The following TAFA2 variants were observed in gnomAD, a reference collection of about 807,000 sequenced individuals.
TAFA2 encodes the protein chemokine-like protein TAFA-2.
In TAFA2, 7 loss-of-function variants were observed where a neutral mutation model predicts 18.8. The ratio of observed to expected loss-of-function variants is 0.37; its 90% CI spans 0.21 to 0.70. The LOEUF (loss-of-function observed/expected upper bound fraction) is 0.70. Among genes scored for constraint, TAFA2 ranks in the 30% least tolerant of loss-of-function variants. TAFA2 has a pLI of 0.53. For synonymous variants in TAFA2, 60 were observed against 54.2 expected (o/e 1.11, Z -0.47); for missense variants, 122 against 158.1 (o/e 0.77, Z 1.23).
intron 2 of TAFA2, among the ~76,000 whole-genome samples, chr12:61,760,576 A>C (rs1048338592): frequency 5.3e-5 from 8 of 151,736 alleles, no homozygotes; most frequent in Non-Finnish European, 1.0e-4. Context: ...AGTATGTGGT[A>C]TGTGTTTAAT....
At chr12:61,902,500 G>C (rs374365106) in intron 1 of TAFA2, among the ~76,000 whole-genome samples, 5 of 152,098 alleles carry the variant, frequency 3.3e-5, no homozygotes, top group African/African-American at 1.2e-4. Flanking sequence ...TCTTCTGGGA[G>C]TGAGGCTTTG....
intron 1 of TAFA2, among the ~76,000 whole-genome samples, chr12:61,962,735 G>C (rs994897415): frequency 1.3e-5 from 2 of 151,818 alleles, no homozygotes; most frequent in Non-Finnish European, 2.9e-5. Flanking sequence ...TATGTTCCCG[G>C]TCTCATCTGT....
At chr12:61,785,928 C>T (rs921956013) in intron 2 of TAFA2, among the ~76,000 whole-genome samples, 1 of 151,378 alleles carries the variant, frequency 6.6e-6, no homozygotes, top group South Asian at 2.1e-4. Flanking sequence ...GAGGGGGAAC[C>T]ATATGGAGCC....
intron 1 of TAFA2, among the ~76,000 whole-genome samples, chr12:61,926,824 G>A (rs1375822769): frequency 6.6e-6 from 1 of 152,070 alleles, no homozygotes; most frequent in Non-Finnish European, 1.5e-5. Flanking sequence ...TGTAATCCCA[G>A]CACTTTAGGA....
intron 1 of TAFA2, among the ~76,000 whole-genome samples, chr12:61,955,616 AAAAAAAAAAAAAAAAAATATATATAT>A (rs1191327890): frequency 1.0e-4 from 3 of 28,616 alleles, no homozygotes; most frequent in Non-Finnish European, 1.6e-4. Context: ...AAAAAAAAAA[AAAAAAAAAAAAAAAAAATATATATAT>A]ATATATATAT....
intron 1 of TAFA2, among the ~76,000 whole-genome samples, chr12:62,185,089 T>C (rs1329008771): frequency 9.9e-5 from 15 of 152,170 alleles, no homozygotes; most frequent in Non-Finnish European, 1.9e-4. Flanking sequence ...TCTGACCCAA[T>C]TCTGAATGTA....
intron 1 of TAFA2, among the ~76,000 whole-genome samples, chr12:62,095,675 G>A (rs1868918909): frequency 6.6e-6 from 1 of 152,114 alleles, no homozygotes; most frequent in South Asian, 2.1e-4. Flanking sequence ...AGTAAACTTT[G>A]AGTGAGCCTC....
intron 2 of TAFA2, among the ~76,000 whole-genome samples, chr12:61,764,955 C>T (rs1592374188): frequency 6.6e-6 from 1 of 152,006 alleles, no homozygotes; most frequent in South Asian, 2.1e-4. Flanking sequence ...AGATCTAGTT[C>T]AAATAGTAAT....
chr12:61,745,460 C>T (rs71465109), intron 4 of TAFA2, among the ~76,000 whole-genome samples: 15,746 of 151,924 alleles, frequency 0.1, 1,048 homozygotes, highest in East Asian at 0.2. Context: ...GATAGCTTGT[C>T]CTCCATTTAG....
intron 2 of TAFA2, among the ~76,000 whole-genome samples, chr12:61,795,212 C>T (rs1040894865): frequency 2.3e-4 from 35 of 152,208 alleles, no homozygotes; most frequent in Non-Finnish European, 4.7e-4. Flanking sequence ...CCATTTGACC[C>T]GGCCATCCCA....
chr12:61,926,291 C>T (rs1212617977), intron 1 of TAFA2, among the ~76,000 whole-genome samples: 1 of 152,218 alleles, frequency 6.6e-6, no homozygotes, highest in Admixed American at 6.5e-5. Flanking sequence ...ACCATTCCTT[C>T]TGAAACTATT....
intron 1 of TAFA2, among the ~76,000 whole-genome samples, chr12:61,912,659 G>T (rs1236636530): frequency 6.6e-6 from 1 of 152,124 alleles, no homozygotes; most frequent in African/African-American, 2.4e-5. Context: ...GAATCACTTT[G>T]CTTACCACTG....
chr12:62,148,245 A>G (rs1357258878), intron 1 of TAFA2, among the ~76,000 whole-genome samples: 7 of 152,242 alleles, frequency 4.6e-5, no homozygotes, highest in Non-Finnish European at 5.9e-5. Flanking sequence ...ACTTGCACTT[A>G]TAAATTCATA....
At chr12:61,894,836 T>A (rs1875772184) in intron 1 of TAFA2, among the ~76,000 whole-genome samples, 2 of 152,196 alleles carry the variant, frequency 1.3e-5, no homozygotes, top group Admixed American at 1.3e-4. Flanking sequence ...GAAGTCAAAC[T>A]GATACTGCTT....
intron 1 of TAFA2, among the ~76,000 whole-genome samples, chr12:62,248,413 T>C: frequency 6.6e-6 from 1 of 152,252 alleles, no homozygotes; most frequent in East Asian, 1.9e-4. Flanking sequence ...TTTTTCACTG[T>C]GGGCACGTTT....
At chr12:62,255,915 G>C (rs2062936107) in intron 1 of TAFA2, among the ~76,000 whole-genome samples, 1 of 151,614 alleles carries the variant, frequency 6.6e-6, no homozygotes, top group South Asian at 2.1e-4. Context: ...TCCACTATAG[G>C]GCAGACTGAT....
At chr12:62,002,236 T>C (rs1380787690) in intron 1 of TAFA2, among the ~76,000 whole-genome samples, 1 of 152,232 alleles carries the variant, frequency 6.6e-6, no homozygotes, top group Non-Finnish European at 1.5e-5. Context: ...GATTTATTTA[T>C]TTGGAATAAT....
At chr12:62,092,831 T>C (rs1304684085) in intron 1 of TAFA2, among the ~76,000 whole-genome samples, 1 of 152,006 alleles carries the variant, frequency 6.6e-6, no homozygotes, top group Non-Finnish European at 1.5e-5. Flanking sequence ...AAGAAGGGCA[T>C]AATGTTTAAA....
chr12:61,840,462 C>G (rs1873125290), intron 2 of TAFA2, among the ~76,000 whole-genome samples: 1 of 151,830 alleles, frequency 6.6e-6, no homozygotes, highest in Admixed American at 6.6e-5. Flanking sequence ...TATTAAATAT[C>G]CACCTCCATT....
Sources: gnomAD v4.1 joint callset for allele counts (sites outside exome capture counted in the v4.1 genomes callset) on GRCh38, gnomAD v4.1.1 for gene constraint, MANE v1.5 for transcripts, NCBI Gene and HGNC (gene_info 2026-07-23, HGNC 2026-07-21) for gene names.